The following AGBL5 variants were observed in gnomAD, a reference collection of about 807,000 sequenced individuals.
AGBL5 encodes AGBL carboxypeptidase 5, also known as cytosolic carboxypeptidase-like protein 5.
Under a neutral mutation model 88.0 loss-of-function variants are expected in AGBL5, and 51 were observed. The observed-to-expected ratio is 0.58, with a 90% CI of 0.46 to 0.73. The LOEUF (loss-of-function observed/expected upper bound fraction) is 0.73. Among genes scored for constraint, AGBL5 ranks in the 30% least tolerant of loss-of-function variants. The probability of loss-of-function intolerance (pLI) is 0.00; values close to 1 mark genes in which losing one functional copy is unlikely to be tolerated. For synonymous variants in AGBL5, 446 were observed against 438.8 expected (o/e 1.02, Z -0.21); for missense variants, 1,031 against 1,162.2 (o/e 0.89, Z 1.64).
intron 11 of AGBL5, among the ~76,000 whole-genome samples, chr2:27,064,374 C>T (rs1312709521): frequency 6.6e-6 from 1 of 151,736 alleles, no homozygotes; most frequent in Admixed American, 6.6e-5. Context: ...CAGCTCACTC[C>T]AACCTTCGTG....
Position 27,054,764 on chromosome 2 carries a change from C to T in AGBL5, c.686C>T (p.Pro229Leu), listed in dbSNP as rs1245134173. The T allele has an allele frequency of 6.2e-7, 1 of 1,613,576 alleles. No individual in the cohort carries two copies. Among genetic ancestry groups the T allele is most frequent in the Admixed American group, 1.7e-5 (1 of 59,994 alleles). The change falls in exon 5 of 15, where the codon CCT (proline) becomes CTT (leucine). Residue 229 changes from proline (P) to leucine (L), a missense_variant. Pro to Leu is a moderately conservative substitution (Grantham distance 98). Coordinates refer to ENST00000360131, the MANE Select transcript of AGBL5 (RefSeq NM_021831.6). ...DREPRLEQLF[P>L]DTSTPRPFRF... ...GAGCCCCGTCTAGAGCAGCTATTTC[C>T]TGATACCAGCACCCCTCGACCATTC...
In AGBL5 at chr2:27,056,036, C is replaced by A. The variant is rs1209212381; in HGVS notation, c.1263C>A (p.Pro421=). ...AAGAGTCAGCCCCTGATACCATCCC[C>A]CCCAAAGAGAGTGGCGTTGCTTACT... ...GLEESAPDTI[P]PKESGVAYYV... Residue 421 remains proline (P), a synonymous_variant, in exon 7 of 15, where the codon CCC becomes CCA. Transcript: ENST00000360131. 1 of 1,614,206 alleles carries A rather than the reference C, an allele frequency of 6.2e-7. No individual in the cohort carries two copies.
rs369068296 is a variant in AGBL5 at position 27,055,253 on chromosome 2, G to C, written c.908G>C (p.Arg303Pro). ...GATGGTGTGGTCCGGGGACACTACC[G>C]GTAAGTGGCTTCCCCAGCCTGTCTG... is the stretch of plus-strand genomic sequence containing the variant. ...NPDGVVRGHY[R>P]TDSRGVNLNR... The change falls in exon 6 of 15, where the codon CGC (arginine) becomes CCC (proline). Residue 303 changes from arginine to proline, a missense_variant and splice_region_variant. Transcript: ENST00000360131. 6.2e-7 allele frequency: 1 copy of C among 1,613,682 alleles called. No homozygotes were observed. The highest frequency in any genetic ancestry group is 1.1e-5 in the South Asian group (1 of 91,072).
In AGBL5 at chr2:27,057,357, T is replaced by G. The variant is rs757820789; in HGVS notation, c.1590T>G (p.Ala530=). The G allele has an allele frequency of 1.9e-5, 31 of 1,614,018 alleles. 1 individual carries two copies. In the Middle Eastern group the frequency reaches 6.6e-4, roughly 34 times the overall value. Residue 530 remains alanine, a synonymous_variant, in exon 9 of 15, where the codon GCT becomes GCG. Transcript: ENST00000360131. ...NTGRSVNSIP[A]ACHDNGRASP... is the part of the protein sequence containing the mutation. ...GACGCTCAGTAAACAGCATCCCTGC[T>G]GCCTGCCATGACAATGGGCGTGCCA...
chr2:27,066,540 G>C (rs1051691885), intron 11 of AGBL5, among the ~76,000 whole-genome samples: 2 of 152,152 alleles, frequency 1.3e-5, no homozygotes, highest in Admixed American at 6.5e-5. Context: ...CAGAATGGTG[G>C]GGAAGACTTG....
intron 11 of AGBL5, among the ~76,000 whole-genome samples, chr2:27,064,625 G>T (rs1472672835): frequency 6.7e-6 from 1 of 150,094 alleles, no homozygotes; most frequent in Non-Finnish European, 1.5e-5. Context: ...CCTATAATTG[G>T]TACCCAGCAT....
upstream of AGBL5, among the ~76,000 whole-genome samples, chr2:27,050,583 G>A (rs1367241713): frequency 6.6e-6 from 1 of 152,258 alleles, no homozygotes; most frequent in African/African-American, 2.4e-5. Flanking sequence ...GGCCGGTGTG[G>A]CCTCCGTTCT....
At chr2:27,060,808 GAAA>G (rs1233967632) in intron 11 of AGBL5, among the ~76,000 whole-genome samples, 2 of 152,212 alleles carry the variant, frequency 1.3e-5, no homozygotes, top group African/African-American at 4.8e-5. Flanking sequence ...CACTGTGTTT[GAAA>G]AATAATAATA....
intron 7 of AGBL5, 113 bp downstream of exon 7, chr2:27,056,251 T>C: frequency 8.8e-7 from 1 of 1,137,500 alleles, no homozygotes; most frequent in Non-Finnish European, 1.2e-6. Flanking sequence ...AAGGAAGGCC[T>C]GTGTAGACTA....
At chr2:27,058,361 G>A in intron 9 of AGBL5, 39 bp from the exon 10 acceptor site, 1 of 1,610,082 alleles carries the variant, frequency 6.2e-7, no homozygotes, top group Non-Finnish European at 8.5e-7. Context: ...GCCTGGATGG[G>A]AGGACCAGCA....
chr2:27,061,698 CT>C (rs1668725603), intron 11 of AGBL5: 1 of 152,194 alleles, frequency 6.6e-6, no homozygotes, highest in South Asian at 2.1e-4. Flanking sequence ...TCTTCTAGCT[CT>C]TAACTCATAG....
chr2:27,055,534 G>A (rs1403944938), intron 6 of AGBL5, 148 bp from the exon 7 acceptor site: 12 of 852,576 alleles, frequency 1.4e-5, no homozygotes, highest in Non-Finnish European at 1.8e-5. Context: ...ATCAAAGAGA[G>A]GCCCTGTCTT....
intron 11 of AGBL5, among the ~76,000 whole-genome samples, chr2:27,063,635 C>T (rs946712022): frequency 2.6e-5 from 4 of 152,180 alleles, no homozygotes; most frequent in Non-Finnish European, 5.9e-5. Context: ...CTTTCTACCC[C>T]TCAGAGGGCA....
At chr2:27,059,598 T>A in intron 11 of AGBL5, 194 bp downstream of exon 11, 1 of 1,343,532 alleles carries the variant, frequency 7.4e-7, no homozygotes, top group Non-Finnish European at 1.0e-6. Context: ...GTATTGTGTG[T>A]GGCCAGAGGG....
At chr2:27,052,777 T>C in intron 1 of AGBL5, 136 bp from the exon 2 acceptor site, 1 of 500,616 alleles carries the variant, frequency 2.0e-6, no homozygotes, top group South Asian at 4.0e-5. Flanking sequence ...ACCACTTCTA[T>C]GTTTTCTAAG....
At chr2:27,055,448 T>C (rs957020408) in intron 6 of AGBL5, 195 bp downstream of exon 6, 8 of 879,344 alleles carry the variant, frequency 9.1e-6, no homozygotes, top group Non-Finnish European at 6.8e-6. Context: ...CAAACTAGGA[T>C]GACTGCAGGC....
chr2:27,068,873 T>G (rs2148306729), intron 13 of AGBL5, 129 bp downstream of exon 13: 1 of 1,504,024 alleles, frequency 6.6e-7, no homozygotes, highest in Non-Finnish European at 8.9e-7. Flanking sequence ...TCAGAGAGCT[T>G]CTCTGGTGCC....
In AGBL5 at chr2:27,053,399, C is replaced by T. The variant is rs369436713; in HGVS notation, c.216-3C>T. 1.2e-6 allele frequency: 2 copies of T among 1,613,844 alleles called. No individual in the cohort carries two copies. Among genetic ancestry groups the T allele is most frequent in the Admixed American group, 1.7e-5 (1 of 59,996 alleles). Reference sequence around the variant, plus strand: ...ATGACCTCTCTCTTACTCTGGTCCTCAGGTCATGGTTCTACTTCAGCGTCC... The same window carrying T: ...ATGACCTCTCTCTTACTCTGGTCCTTAGGTCATGGTTCTACTTCAGCGTCC... On this transcript the variant is annotated splice_region_variant and splice_polypyrimidine_tract_variant and intron_variant, in intron 2 of 14. Coordinates refer to ENST00000360131, the MANE Select transcript of AGBL5 (RefSeq NM_021831.6). The surrounding 1 kb of genome is among the most constrained non-coding windows in gnomAD (Gnocchi z 4.9).
At chr2:27,057,818 A>G (rs1341125988) in intron 9 of AGBL5, among the ~76,000 whole-genome samples, 1 of 152,168 alleles carries the variant, frequency 6.6e-6, no homozygotes, top group African/African-American at 2.4e-5. Flanking sequence ...GCTCATGCCT[A>G]TAATCCCAGC....
Sources: allele counts gnomAD v4.1 joint callset (sites outside exome capture counted in the v4.1 genomes callset), GRCh38; gene constraint gnomAD v4.1.1; non-coding constraint Gnocchi (gnomAD v3.1); transcripts MANE v1.5; gene names NCBI Gene and HGNC (gene_info 2026-07-23, HGNC 2026-07-21).